Variants in SPTLC2 observed in about 807,000 individuals in gnomAD.
The protein encoded by SPTLC2 is serine palmitoyltransferase 2.
SPTLC2 carries 21 observed loss-of-function variants against 62.0 expected under a neutral mutation model. That is an observed-to-expected ratio of 0.34 (90% CI 0.24 to 0.49). The LOEUF (loss-of-function observed/expected upper bound fraction) is 0.49. Among genes scored for constraint, SPTLC2 ranks in the 20% least tolerant of loss-of-function variants. The pLI is 0.99. For synonymous variants in SPTLC2, 261 were observed against 261.8 expected (o/e 1.00, Z 0.03); for missense variants, 511 against 713.0 (o/e 0.72, Z 3.23).
chr14:77,583,479 T>C (rs990547115), intron 2 of SPTLC2, among the ~76,000 whole-genome samples: 49 of 152,166 alleles, frequency 3.2e-4, no homozygotes, highest in African/African-American at 1.1e-3. Flanking sequence ...TACTGGGTTG[T>C]ATGCCAGACT....
intron 4 of SPTLC2, among the ~76,000 whole-genome samples, chr14:77,574,219 A>C (rs977267959): frequency 6.6e-6 from 1 of 152,234 alleles, no homozygotes; most frequent in East Asian, 1.9e-4. Context: ...GGTCATATCT[A>C]TGCCCTTATA....
chr14:77,564,967 C>T (rs1003561840), intron 5 of SPTLC2, among the ~76,000 whole-genome samples: 1 of 151,668 alleles, frequency 6.6e-6, no homozygotes, highest in Admixed American at 6.6e-5. Flanking sequence ...AAGCCGGGTG[C>T]GGTGGCTCAC....
intron 2 of SPTLC2, among the ~76,000 whole-genome samples, chr14:77,584,454 C>A: frequency 6.6e-6 from 1 of 152,144 alleles, no homozygotes; most frequent in Admixed American, 6.5e-5. Context: ...TACATGCACA[C>A]ATATTTATAT....
At chr14:77,611,458 CA>C (rs34421039) in intron 1 of SPTLC2, among the ~76,000 whole-genome samples, 35,969 of 110,116 alleles carry the variant, frequency 0.33, 4,043 homozygotes, top group Admixed American at 0.39. Context: ...CCTATCTCGC[CA>C]AAAAAAAAAA....
intron 4 of SPTLC2, among the ~76,000 whole-genome samples, chr14:77,573,164 G>A (rs2079693460): frequency 1.3e-5 from 2 of 152,134 alleles, no homozygotes; most frequent in Non-Finnish European, 2.9e-5. Context: ...AAACAATACT[G>A]GAAGGATGTG....
At chr14:77,615,935 G>A (rs1020688602) in intron 1 of SPTLC2, among the ~76,000 whole-genome samples, 4 of 152,218 alleles carry the variant, frequency 2.6e-5, no homozygotes, top group African/African-American at 9.6e-5. Context: ...GGGACTGAAC[G>A]TGGTAGTCCA....
At chr14:77,566,234 T>C (rs1051023171) in intron 5 of SPTLC2, among the ~76,000 whole-genome samples, 2 of 152,252 alleles carry the variant, frequency 1.3e-5, no homozygotes, top group Admixed American at 6.5e-5. Context: ...TCTGTCTTTT[T>C]CCCTTAGAAC....
intron 2 of SPTLC2, among the ~76,000 whole-genome samples, chr14:77,587,131 G>C (rs151194462): frequency 6.6e-6 from 1 of 152,034 alleles, no homozygotes; most frequent in African/African-American, 2.4e-5. Context: ...GGGAGGCTGA[G>C]GCAGAAGAAT....
intron 6 of SPTLC2, 123 bp from the exon 7 acceptor site, chr14:77,557,269 G>A: frequency 1.1e-6 from 1 of 880,122 alleles, no homozygotes; most frequent in Non-Finnish European, 1.8e-6. Context: ...CATAATTAGA[G>A]TTGGGCAGAA....
At chr14:77,591,295 G>A (rs1186804971) in intron 2 of SPTLC2, among the ~76,000 whole-genome samples, 1 of 152,192 alleles carries the variant, frequency 6.6e-6, no homozygotes, top group East Asian at 1.9e-4. Context: ...TACAGAGACA[G>A]AAAGTAGATT....
chr14:77,577,852 A>G (rs1458136114), intron 3 of SPTLC2, among the ~76,000 whole-genome samples: 1 of 152,194 alleles, frequency 6.6e-6, no homozygotes, highest in Non-Finnish European at 1.5e-5. Flanking sequence ...GTAAGCCAAG[A>G]TGGTGCCACT....
rs370849508 is a variant in SPTLC2, at chr14:77,555,235, C to G, written c.1176+65G>C. The G allele has an allele frequency of 1.1e-3, 1,799 of 1,601,636 alleles. 23 individuals are homozygous for G. The South Asian group carries it at 0.014, about 12-fold the overall frequency. On this transcript the variant is annotated intron_variant, in intron 8 of 11. Transcript: ENST00000216484. ...CAGTTCAGGGCCCCATCTGCTAGGC[C>G]TGAGGTACCAAATCTAATTGCCAGT...
rs1179700548 is a variant in SPTLC2 at position 77,511,183 on chromosome 14, G to A, written c.*1101C>T. On this transcript the variant is annotated 3_prime_UTR_variant, in exon 12 of 12. Transcript: ENST00000216484. ...CATTCAGAAGAGTAATATTTAAGTG[G>A]GTTAGCTTCTAAGAGGCCTAAATTA... The A allele has an allele frequency of 6.6e-6, 1 of 152,136 alleles. No individual in the cohort carries two copies. The highest frequency in any genetic ancestry group is 2.4e-5 in the African/African-American group (1 of 41,438). The allele number at this position is 152,136 out of a possible 1,614,324, so 9.4% of individuals were successfully genotyped here. A position where few individuals can be genotyped will look rare whatever the true frequency, so the allele number is the denominator to read the frequency against.
rs1025717325 is a variant in SPTLC2, at chr14:77,507,836, A to T, written c.*4448T>A. The T allele has an allele frequency of 6.6e-6, 1 of 152,202 alleles. No individual in the cohort carries two copies. The highest frequency in any genetic ancestry group is 1.5e-5 in the Non-Finnish European group (1 of 68,036). 9.4% of individuals were successfully genotyped at this position (152,202 alleles called of 1,614,324 possible). A position where few individuals can be genotyped will look rare whatever the true frequency, so the allele number is the denominator to read the frequency against. ...TTCTTGGCTTAGTAGCCAAAAAATA[A>T]TCTTTGCTTTTTATACCTCCCCATT... On this transcript the variant is annotated 3_prime_UTR_variant, in exon 12 of 12. Coordinates refer to ENST00000216484, the MANE Select transcript of SPTLC2 (RefSeq NM_004863.4).
intron 2 of SPTLC2, among the ~76,000 whole-genome samples, chr14:77,588,527 C>T (rs900173927): frequency 1.5e-5 from 2 of 130,606 alleles, no homozygotes; most frequent in African/African-American, 5.9e-5. Context: ...CCTGTCTCTA[C>T]AAAAAAAAAA....
intron 9 of SPTLC2, among the ~76,000 whole-genome samples, chr14:77,533,150 A>C (rs1451410859): frequency 6.6e-6 from 1 of 152,014 alleles, no homozygotes; most frequent in Non-Finnish European, 1.5e-5. Context: ...AAATACAAAA[A>C]TTAGCTGGGC....
intron 8 of SPTLC2, among the ~76,000 whole-genome samples, chr14:77,554,244 T>A (rs534081465): frequency 6.6e-6 from 1 of 152,178 alleles, no homozygotes; most frequent in Non-Finnish European, 1.5e-5. Flanking sequence ...GCAATCAACG[T>A]TTAAAAATAA....
intron 2 of SPTLC2, among the ~76,000 whole-genome samples, chr14:77,583,045 CAA>C (rs1454891857): frequency 2.0e-5 from 3 of 151,810 alleles, no homozygotes. Context: ...ACAAAAAATA[CAA>C]AAATTAGCCA....
intron 9 of SPTLC2, among the ~76,000 whole-genome samples, chr14:77,526,550 T>A (rs1313942413): frequency 6.6e-6 from 1 of 152,200 alleles, no homozygotes; most frequent in Non-Finnish European, 1.5e-5. Context: ...TGTGTGGCTG[T>A]CCTTTTGGAC....
Sources: allele counts gnomAD v4.1 joint callset (sites outside exome capture counted in the v4.1 genomes callset), GRCh38; gene constraint gnomAD v4.1.1; transcripts MANE v1.5; gene names NCBI Gene and HGNC (gene_info 2026-07-23, HGNC 2026-07-21).